Variants in NGEF observed in about 807,000 individuals in gnomAD.
NGEF encodes neuronal guanine nucleotide exchange factor.
Under a neutral mutation model 80.9 loss-of-function variants are expected in NGEF, and 31 were observed. That is an observed-to-expected ratio of 0.38 (90% CI 0.29 to 0.52). The LOEUF is 0.52. NGEF is among the 20% of genes least tolerant of loss of function. The probability of loss-of-function intolerance (pLI) is 0.84; values close to 1 mark genes in which losing one functional copy is unlikely to be tolerated. For missense variants in NGEF, 709 were observed against 926.2 expected (o/e 0.77, Z 3.04); for synonymous variants, 371 against 370.2 (o/e 1.00, Z -0.03).
At chr2:232,887,620 C>T (rs888051112) in intron 9 of NGEF, among the ~76,000 whole-genome samples, 11 of 152,170 alleles carry the variant, frequency 7.2e-5, no homozygotes, top group African/African-American at 2.7e-4. Flanking sequence ...CATGGAAAAA[C>T]AGGCAAAGAC....
At chr2:232,981,680 T>C (rs1185137412) in intron 1 of NGEF, among the ~76,000 whole-genome samples, 2 of 152,078 alleles carry the variant, frequency 1.3e-5, no homozygotes, top group African/African-American at 4.8e-5. Flanking sequence ...ACTCCCCACT[T>C]CCCGAGACCC....
intron 3 of NGEF, among the ~76,000 whole-genome samples, chr2:232,944,007 C>G (rs570135606): frequency 6.6e-6 from 1 of 151,616 alleles, no homozygotes; most frequent in African/African-American, 2.4e-5. Context: ...CCGAGGCCGG[C>G]GGATCACCTG....
At chr2:232,939,418 T>A (rs1376675138) in intron 3 of NGEF, among the ~76,000 whole-genome samples, 2 of 152,176 alleles carry the variant, frequency 1.3e-5, no homozygotes, top group Non-Finnish European at 2.9e-5. Context: ...TAACAGAGAA[T>A]GCATTGCCTT....
Position 232,894,548 on chromosome 2 carries a change from G to A in NGEF, c.989+208C>T. The A allele has an allele frequency of 6.7e-6, 3 of 444,730 alleles. 1 individual carries two copies. Among genetic ancestry groups the A allele is most frequent in the Non-Finnish European group, 1.2e-5 (3 of 254,150 alleles). The allele number at this position is 444,730 out of a possible 1,614,324, so 27.5% of individuals were successfully genotyped here. Reference sequence around the variant, plus strand: ...GTGGGGCACAGGTGCTCATGGGAAGGGACGCCGGGGGACGTGACTGGCCAC... The same window carrying A: ...GTGGGGCACAGGTGCTCATGGGAAGAGACGCCGGGGGACGTGACTGGCCAC... On this transcript the variant is annotated intron_variant, in intron 6 of 14. Coordinates refer to ENST00000264051, the MANE Select transcript of NGEF (RefSeq NM_019850.3).
intron 14 of NGEF, among the ~76,000 whole-genome samples, chr2:232,880,811 C>T (rs1083522): frequency 0.43 from 45,259 of 104,200 alleles, 6,924 homozygotes; most frequent in Middle Eastern, 0.49. Context: ...TCCTGGTTGT[C>T]CTCCCTCCCA....
In NGEF at chr2:233,013,222, C is replaced by T. The variant is rs766907742; in HGVS notation, c.-229G>A. The T allele has an allele frequency of 4.0e-5, 19 of 471,090 alleles. No homozygotes were observed. The highest frequency in any genetic ancestry group is 1.4e-4 in the South Asian group (9 of 64,576). 29.2% of individuals were successfully genotyped at this position (471,090 alleles called of 1,614,324 possible). A position where few individuals can be genotyped will look rare whatever the true frequency, so the allele number is the denominator to read the frequency against. ...CCAGAGAGCCCACAGCCAAAAACTT[C>T]GTCCTGTCCTGGAAAAGCTTCACTG... On this transcript the variant is annotated 5_prime_UTR_variant, in exon 1 of 15. Coordinates refer to ENST00000264051, the MANE Select transcript of NGEF (RefSeq NM_019850.3).
chr2:232,879,708 C>G, intron 14 of NGEF, 29 bp from the exon 15 acceptor site: 1 of 1,597,206 alleles, frequency 6.3e-7, no homozygotes, highest in Non-Finnish European at 8.6e-7. Flanking sequence ...GAGAGAAGGT[C>G]AGTGCTCCTG....
chr2:232,883,235 G>C (rs1250577389), intron 12 of NGEF, 76 bp downstream of exon 12: 49 of 1,489,548 alleles, frequency 3.3e-5, no homozygotes, highest in Non-Finnish European at 4.2e-5. Flanking sequence ...TCCACCTGGG[G>C]ACAGGCCCAT....
intron 1 of NGEF, among the ~76,000 whole-genome samples, chr2:232,993,148 TGGGCAA>T (rs1559238270): frequency 1.4e-4 from 16 of 112,296 alleles, no homozygotes; most frequent in African/African-American, 3.0e-4. Context: ...TATATATATA[TGGGCAA>T]ATATATATAT....
intron 8 of NGEF, among the ~76,000 whole-genome samples, chr2:232,890,573 C>T (rs929782546): frequency 1.2e-4 from 18 of 152,194 alleles, no homozygotes; most frequent in African/African-American, 4.1e-4. Context: ...CCTGAGCCCT[C>T]CCCGCCCCAA....
intron 9 of NGEF, among the ~76,000 whole-genome samples, chr2:232,886,715 C>A (rs1450733810): frequency 6.6e-6 from 1 of 152,164 alleles, no homozygotes; most frequent in Non-Finnish European, 1.5e-5. Flanking sequence ...GAAAACATAC[C>A]CCTGGCCCAG....
At chr2:232,971,448 G>T (rs1694182234) in intron 2 of NGEF, among the ~76,000 whole-genome samples, 1 of 152,206 alleles carries the variant, frequency 6.6e-6, no homozygotes, top group Non-Finnish European at 1.5e-5. Context: ...ACTTTGGGAG[G>T]CTGAGGTGGG....
Position 232,879,435 on chromosome 2 carries a change from C to CCCCCG in NGEF, c.*53_*54insCGGGG. 5 of 1,443,824 alleles carry CCCCCG rather than the reference C, an allele frequency of 3.5e-6. No individual in the cohort carries two copies. Among genetic ancestry groups the CCCCCG allele is most frequent in the Non-Finnish European group, 3.8e-6 (4 of 1,060,312 alleles). The allele number at this position is 1,443,824 out of a possible 1,614,324, so 89.4% of individuals were successfully genotyped here. A position where few individuals can be genotyped will look rare whatever the true frequency, so the allele number is the denominator to read the frequency against. ...GCTTCCCAGAGCCCCCCCCCCCCCA[C>CCCCCG]CTTCTGTCGGGGTCTCATGCAGGCC... On this transcript the variant is annotated 3_prime_UTR_variant, in exon 15 of 15. Coordinates refer to ENST00000264051, the MANE Select transcript of NGEF (RefSeq NM_019850.3).
intron 1 of NGEF, among the ~76,000 whole-genome samples, chr2:232,981,074 G>A (rs1229200836): frequency 6.6e-6 from 1 of 151,232 alleles, no homozygotes; most frequent in African/African-American, 2.4e-5. Flanking sequence ...GGGGAATGGA[G>A]GGGTAAGGGT....
At chr2:233,002,902 G>T (rs543513931) in intron 1 of NGEF, among the ~76,000 whole-genome samples, 32 of 152,308 alleles carry the variant, frequency 2.1e-4, no homozygotes, top group Admixed American at 1.5e-3. Context: ...TGGGGCCCAG[G>T]CGTCACTGTG....
chr2:232,949,482 C>G (rs1303801379), intron 3 of NGEF, among the ~76,000 whole-genome samples: 1 of 147,132 alleles, frequency 6.8e-6, no homozygotes, highest in Non-Finnish European at 1.5e-5. Flanking sequence ...TGCACTCTTT[C>G]TTTTTTTTTT....
intron 5 of NGEF, among the ~76,000 whole-genome samples, chr2:232,918,542 CA>C (rs1692859977): frequency 6.6e-6 from 1 of 151,912 alleles, no homozygotes; most frequent in Admixed American, 6.6e-5. Flanking sequence ...CCATTTATGA[CA>C]AGGGCCCTTT....
intron 5 of NGEF, among the ~76,000 whole-genome samples, chr2:232,901,693 C>G (rs1692361994): frequency 6.6e-6 from 1 of 152,354 alleles, no homozygotes; most frequent in Admixed American, 6.5e-5. Context: ...GCCCTCCCCA[C>G]ACAGGTCACC....
At chr2:232,977,779 T>A (rs1024725775) in intron 1 of NGEF, among the ~76,000 whole-genome samples, 1 of 150,268 alleles carries the variant, frequency 6.7e-6, no homozygotes, top group Non-Finnish European at 1.5e-5. Flanking sequence ...ACAGGCGGGG[T>A]GGTGGGGGAC....
Sources: gnomAD v4.1 joint callset for allele counts (sites outside exome capture counted in the v4.1 genomes callset) on GRCh38, gnomAD v4.1.1 for gene constraint, MANE v1.5 for transcripts, NCBI Gene and HGNC (gene_info 2026-07-23, HGNC 2026-07-21) for gene names.